CDHR2: variants seen among roughly 807,000 people sequenced by gnomAD.
CDHR2 encodes the protein cadherin related family member 2.
Under a neutral mutation model 138.6 loss-of-function variants are expected in CDHR2, and 104 were observed. The ratio of observed to expected loss-of-function variants is 0.75; its 90% CI spans 0.64 to 0.88. The LOEUF is 0.88. Among genes scored for constraint, CDHR2 ranks in the 40% least tolerant of loss-of-function variants. The pLI, the probability that CDHR2 is intolerant of heterozygous loss-of-function variation, is 0.00. For missense variants in CDHR2, 1,624 were observed against 1,727.6 expected, an observed-to-expected ratio of 0.94 and a Z score of 1.06; for synonymous variants, 755 against 742.8, an observed-to-expected ratio of 1.02 and a Z score of -0.27.
chr5:176,574,543 C>T (rs2113296091), intron 7 of CDHR2, among the ~76,000 whole-genome samples: 1 of 152,318 alleles, frequency 6.6e-6, no homozygotes, highest in South Asian at 2.1e-4. Context: ...CCCTTGGTAT[C>T]CGTGGGGACT....
Position 176,584,823 on chromosome 5 carries a change from A to G in CDHR2, c.2542A>G (p.Asn848Asp). 6.2e-7 allele frequency: 1 copy of G among 1,614,164 alleles called. No individual in the cohort carries two copies. Among genetic ancestry groups the G allele is most frequent in the Non-Finnish European group, 8.5e-7 (1 of 1,180,038 alleles). Residue 848 changes from asparagine to aspartate, a missense_variant, in exon 19 of 32, where the codon AAC (asparagine) becomes GAC (aspartate). Around this residue, in one of 3 missense-constraint regions of CDHR2, gnomAD observed 1,061 missense variants for 1,136.6 expected, o/e 0.93. Transcript: ENST00000261944. ...TGCCCAGCTGGAGATACAGCTTGTG[A>G]ACATTCTCTGCACCAAGGCCGGGGT... ...TSAQLEIQLV[N>D]ILCTKAGVDV...
chr5:176,554,965 T>C (rs1233910264), intron 1 of CDHR2, among the ~76,000 whole-genome samples: 1 of 152,168 alleles, frequency 6.6e-6, no homozygotes, highest in African/African-American at 2.4e-5. Flanking sequence ...CGAAGGGATT[T>C]TGTGAGCATT....
In CDHR2 at chr5:176,567,253, G is replaced by A. The variant is rs564854534; in HGVS notation, c.125-1425G>A. The A allele has an allele frequency of 4.3e-5, 10 of 233,960 alleles. No individual in the cohort carries two copies. In the East Asian group the frequency reaches 1.1e-3, roughly 26 times the overall value. 14.5% of individuals were successfully genotyped at this position (233,960 alleles called of 1,614,324 possible). A position where few individuals can be genotyped will look rare whatever the true frequency, so the allele number is the denominator to read the frequency against. The stretch of plus-strand genomic sequence containing the variant: ...GTGCGATCATGCTCACTTCAGCCTC[G>A]ACCTCCTGGGCTCAACTGATCCTCC... On this transcript the variant is annotated intron_variant, in intron 3 of 31. Coordinates refer to ENST00000261944, the MANE Select transcript of CDHR2 (RefSeq NM_017675.6).
chr5:176,581,399 G>C lies in CDHR2; in HGVS notation c.1875G>C (p.Leu625=), dbSNP rs756370860. 3.1e-6 allele frequency: 5 copies of C among 1,614,116 alleles called. No individual in the cohort carries two copies. Among genetic ancestry groups the C allele is most frequent in the East Asian group, 4.5e-5 (2 of 44,884 alleles). Residue 625 remains leucine (L), a synonymous_variant, in exon 17 of 32, where the codon CTG becomes CTC. Coordinates refer to ENST00000261944, the MANE Select transcript of CDHR2 (RefSeq NM_017675.6). ...TNNSRLLFNL[L]PGPYSHNFSL... is the part of the protein sequence containing the mutation. ...ACAGCCGTCTGCTCTTCAACCTGCT[G>C]CCTGGCCCCTACAGCCACAACTTCT...
Position 176,581,353 on chromosome 5 carries a change from A to G in CDHR2, c.1829A>G (p.Asn610Ser). The change falls in exon 17 of 32, where the codon AAT (asparagine) becomes AGT (serine). Residue 610 changes from asparagine to serine, a missense_variant. Transcript: ENST00000261944. ...NVSVTIQAHD[N>S]DEPGTNNSRL... ...TGCTTACGTGCACAGGCCCACGACA[A>G]TGATGAGCCGGGCACCAACAACAGC... 1 of 1,613,542 alleles carries G rather than the reference A, an allele frequency of 6.2e-7. No homozygotes were observed. Among genetic ancestry groups the G allele is most frequent in the Non-Finnish European group, 8.5e-7 (1 of 1,180,014 alleles).
chr5:176,583,547 AG>A (rs1177356956), intron 17 of CDHR2, among the ~76,000 whole-genome samples: 1 of 151,384 alleles, frequency 6.6e-6, no homozygotes, highest in Non-Finnish European at 1.5e-5. Flanking sequence ...GACATAGGGG[AG>A]GGCAGAGTCA....
chr5:176,552,002 G>T (rs1343742313), intron 1 of CDHR2, among the ~76,000 whole-genome samples: 1 of 152,108 alleles, frequency 6.6e-6, no homozygotes, highest in South Asian at 2.1e-4. Context: ...GAGTCACCGC[G>T]CCCGGTTAAT....
intron 1 of CDHR2, among the ~76,000 whole-genome samples, chr5:176,552,392 G>A (rs954668859): frequency 7.9e-5 from 12 of 152,208 alleles, no homozygotes; most frequent in Middle Eastern, 3.2e-3. Context: ...GGTGTGGACC[G>A]AGAACAGGAG....
intron 28 of CDHR2, 67 bp from the exon 29 acceptor site, chr5:176,591,143 C>G: frequency 9.2e-7 from 1 of 1,083,438 alleles, no homozygotes; most frequent in Non-Finnish European, 1.4e-6. Flanking sequence ...GCCACAGGCT[C>G]AGGGCCTCCA....
Position 176,586,784 on chromosome 5 carries a change from C to T in CDHR2, c.2807-9C>T. The T allele has an allele frequency of 6.2e-7, 1 of 1,605,380 alleles. No individual in the cohort carries two copies. Among genetic ancestry groups the T allele is most frequent in the East Asian group, 2.2e-5 (1 of 44,726 alleles). On this transcript the variant is annotated splice_polypyrimidine_tract_variant and intron_variant, in intron 20 of 31. Coordinates refer to ENST00000261944, the MANE Select transcript of CDHR2 (RefSeq NM_017675.6). ...ACCCCGCTGACCCCGTTCCCGTTCACACCTGCAGTGATCATCCCTGAACTC... is the reference window on the plus strand; with the variant it reads ...ACCCCGCTGACCCCGTTCCCGTTCATACCTGCAGTGATCATCCCTGAACTC...
chr5:176,563,484 G>GA (rs1286395822), intron 1 of CDHR2, among the ~76,000 whole-genome samples: 1 of 151,376 alleles, frequency 6.6e-6, no homozygotes, highest in East Asian at 1.9e-4. Flanking sequence ...AGCTGCTAGA[G>GA]AAAAAGAAAA....
chr5:176,577,021 A>G (rs1370293047), intron 12 of CDHR2, among the ~76,000 whole-genome samples: 1 of 138,168 alleles, frequency 7.2e-6, no homozygotes, highest in Non-Finnish European at 1.5e-5. Flanking sequence ...GGGTGGGGTT[A>G]GGTTGGCCAG....
intron 31 of CDHR2, 97 bp downstream of exon 31, chr5:176,592,877 C>A (rs1758923415): frequency 1.9e-6 from 2 of 1,065,866 alleles, no homozygotes; most frequent in Non-Finnish European, 1.5e-6. Context: ...CTGACATGGG[C>A]AGTTCTGCTT....
Position 176,568,974 on chromosome 5 carries a change from C to G in CDHR2, c.279C>G (p.Phe93Leu), listed in dbSNP as rs758916329. 5 of 1,614,130 alleles carry G rather than the reference C, an allele frequency of 3.1e-6. No individual in the cohort carries two copies. In the South Asian group the frequency reaches 4.4e-5, roughly 14 times the overall value. ...SALDYETLYT[F>L]KVTISVSDPY... Reference sequence around the variant, plus strand: ...GGCTGCTGCAGACACTCTACACATTCAAAGTCACCATCTCCGTGAGCGACC... The same window carrying G: ...GGCTGCTGCAGACACTCTACACATTGAAAGTCACCATCTCCGTGAGCGACC... The change falls in exon 5 of 32, where the codon TTC (phenylalanine) becomes TTG (leucine). Residue 93 changes from phenylalanine to leucine, a missense_variant. This residue lies in a region of CDHR2 where 1,061 missense variants were observed against 1,136.6 expected (regional missense o/e 0.93). Transcript: ENST00000261944.
At position 176,590,350 on chromosome 5, in the gene CDHR2, G is replaced by A; in HGVS notation, c.3353+20G>A. 1 of 1,614,172 alleles carries A rather than the reference G, an allele frequency of 6.2e-7. No homozygotes were observed. Among genetic ancestry groups the A allele is most frequent in the Non-Finnish European group, 8.5e-7 (1 of 1,180,014 alleles). The stretch of plus-strand genomic sequence containing the variant: ...GAGTGTGTGAGTGGGGCTGCCCTTG[G>A]GGCAGGTGTGAGGGTGAGCAGGAAG... On this transcript the variant is annotated intron_variant, in intron 26 of 31. Coordinates refer to ENST00000261944, the MANE Select transcript of CDHR2 (RefSeq NM_017675.6).
Position 176,553,700 on chromosome 5 carries a change from C to T in CDHR2, c.-16+4286C>T, listed in dbSNP as rs1036363287. On this transcript the variant is annotated intron_variant, in intron 1 of 31. Transcript: ENST00000261944. This position sits in a 1 kb window ranked among gnomAD's most constrained non-coding sequence, Gnocchi z 4.3. ...CTAGCAGTACCGCTAATGCCCAGCT[C>T]ACCTGCGTCTCCACCGCCAGCCCCG... 8.5e-5 allele frequency among the ~76,000 whole-genome samples: 13 copies of T among 152,174 alleles called. No individual in the cohort carries two copies. The highest frequency in any genetic ancestry group is 2.9e-5 in the Non-Finnish European group (2 of 67,964).
intron 20 of CDHR2, 112 bp downstream of exon 20, chr5:176,586,137 G>C (rs1268724540): frequency 2.6e-6 from 2 of 779,834 alleles, no homozygotes; most frequent in East Asian, 2.5e-5. Context: ...AGGGGGGAAG[G>C]CCTCTAATCC....
At chr5:176,569,959 C>A (rs1357174313) in intron 5 of CDHR2, among the ~76,000 whole-genome samples, 41 of 141,642 alleles carry the variant, frequency 2.9e-4, no homozygotes, top group South Asian at 6.8e-4. Flanking sequence ...GACTCCGTCT[C>A]AAAAAAAAAA....
upstream of CDHR2, among the ~76,000 whole-genome samples, chr5:176,544,443 C>CTTTCTCT (rs771404606): frequency 7.8e-5 from 1 of 12,788 alleles, no homozygotes; most frequent in Non-Finnish European, 8.4e-4. Flanking sequence ...TTCTTTCTTT[C>CTTTCTCT]TCTCTTTCCT....
Sources: allele counts gnomAD v4.1 joint callset (sites outside exome capture counted in the v4.1 genomes callset), GRCh38; gene constraint gnomAD v4.1.1; regional missense constraint gnomAD v4.1.1; non-coding constraint Gnocchi (gnomAD v3.1); transcripts MANE v1.5; gene names NCBI Gene and HGNC (gene_info 2026-07-23, HGNC 2026-07-21).